The following KALRN variants were observed in gnomAD, a reference collection of about 807,000 sequenced individuals.
KALRN encodes the protein kalirin RhoGEF kinase.
Under a neutral mutation model 353.7 loss-of-function variants are expected in KALRN, and 70 were observed. The ratio of observed to expected loss-of-function variants is 0.20; its 90% CI spans 0.16 to 0.24. The LOEUF (loss-of-function observed/expected upper bound fraction) is 0.24. KALRN is among the 10% of genes least tolerant of loss of function. KALRN has a pLI of 1.00. For missense variants in KALRN, 2,791 were observed against 3,756.7 expected, an observed-to-expected ratio of 0.74 and a Z score of 6.72; for synonymous variants, 1,391 against 1,434.8, an observed-to-expected ratio of 0.97 and a Z score of 0.69.
chr3:124,539,040 T>C (rs2068772072), intron 33 of KALRN, among the ~76,000 whole-genome samples: 1 of 152,116 alleles, frequency 6.6e-6, no homozygotes, highest in African/African-American at 2.4e-5. Flanking sequence ...TGCAGATCAC[T>C]GTGAAAGTGC....
chr3:124,074,834 T>G (rs2060189545), intron 1 of KALRN, among the ~76,000 whole-genome samples: 1 of 152,216 alleles, frequency 6.6e-6, no homozygotes, highest in Non-Finnish European at 1.5e-5. Flanking sequence ...TTTTTTCATT[T>G]TGTTTCTGGC....
intron 42 of KALRN, 131 bp downstream of exon 42, chr3:124,658,648 G>A: frequency 4.2e-6 from 3 of 711,028 alleles, no homozygotes; most frequent in Admixed American, 2.1e-5. Flanking sequence ...TTCATGGCAG[G>A]AATAGCTGCC....
intron 1 of KALRN, among the ~76,000 whole-genome samples, chr3:124,038,485 A>C (rs1306593893): frequency 2.0e-5 from 3 of 152,184 alleles, no homozygotes; most frequent in Non-Finnish European, 4.4e-5. Context: ...GGAAAAATTG[A>C]GGAGGCTAGA....
chr3:124,588,828 G>A (rs1477268114), intron 34 of KALRN, among the ~76,000 whole-genome samples: 1 of 152,136 alleles, frequency 6.6e-6, no homozygotes, highest in Non-Finnish European at 1.5e-5. Flanking sequence ...AGTGTGCATG[G>A]GATTTATTTA....
chr3:124,423,228 T>C (rs115624573), intron 15 of KALRN, among the ~76,000 whole-genome samples: 327 of 152,364 alleles, frequency 2.1e-3, no homozygotes, highest in African/African-American at 7.5e-3. Context: ...GACAATCCAT[T>C]CCAGAGTTGT....
chr3:124,617,689 C>T (rs2078772421), intron 34 of KALRN, among the ~76,000 whole-genome samples: 1 of 152,148 alleles, frequency 6.6e-6, no homozygotes, highest in Non-Finnish European at 1.5e-5. Flanking sequence ...TACTAAGCCA[C>T]CCCAATAGTT....
intron 13 of KALRN, among the ~76,000 whole-genome samples, chr3:124,401,739 G>C (rs2090905155): frequency 1.3e-5 from 2 of 152,096 alleles, no homozygotes; most frequent in Non-Finnish European, 2.9e-5. Context: ...TCTTGTGGGG[G>C]AGGCCCAAAA....
intron 19 of KALRN, 82 bp from the exon 20 acceptor site, chr3:124,446,079 G>A (rs779928190): frequency 8.8e-6 from 7 of 791,524 alleles, no homozygotes; most frequent in African/African-American, 5.1e-5. Flanking sequence ...TGGTCACCTG[G>A]CACCTGGGCC....
Position 124,490,640 on chromosome 3 carries a change from C to T in KALRN, c.4397-54C>T, listed in dbSNP as rs374839039. On this transcript the variant is annotated intron_variant, in intron 29 of 59. Coordinates refer to ENST00000682506, the MANE Select transcript of KALRN (RefSeq NM_001388419.1). ...CTCCAAGAGGGGGGTGGAACATGGCCCCCTGACTGTGGCAGTAGAGAAACT... is the reference window on the plus strand; with the variant it reads ...CTCCAAGAGGGGGGTGGAACATGGCTCCCTGACTGTGGCAGTAGAGAAACT... 4.5e-6 allele frequency: 7 copies of T among 1,542,644 alleles called. No individual in the cohort carries two copies. In the African/African-American group the frequency reaches 8.2e-5, roughly 18 times the overall value.
At chr3:124,333,144 A>T (rs533257130) in intron 8 of KALRN, among the ~76,000 whole-genome samples, 4 of 152,284 alleles carry the variant, frequency 2.6e-5, no homozygotes, top group Admixed American at 2.0e-4. Context: ...TTATTCACTA[A>T]CATGAGAACA....
intron 3 of KALRN, among the ~76,000 whole-genome samples, chr3:124,240,228 G>A (rs912129429): frequency 6.6e-5 from 10 of 152,156 alleles, no homozygotes; most frequent in Non-Finnish European, 1.3e-4. Flanking sequence ...ACCTTCCTTA[G>A]AGTCATATCA....
In KALRN at chr3:124,721,052, T is replaced by C. The variant is rs1212226424; in HGVS notation, c.*1582T>C. On this transcript the variant is annotated 3_prime_UTR_variant, in exon 60 of 60. Transcript: ENST00000682506. ...AGTACAGAAGTGCAAGAAGAGAATT[T>C]ATGAAGGATGAATAGAACTACAAAC... The C allele has an allele frequency of 6.6e-6, 1 of 152,206 alleles. No homozygotes were observed. The highest frequency in any genetic ancestry group is 1.5e-5 in the Non-Finnish European group (1 of 68,026). 9.4% of individuals were successfully genotyped at this position (152,206 alleles called of 1,614,324 possible). A position where few individuals can be genotyped will look rare whatever the true frequency, so the allele number is the denominator to read the frequency against.
chr3:124,151,043 T>A (rs1451334908), intron 1 of KALRN, among the ~76,000 whole-genome samples: 1 of 152,230 alleles, frequency 6.6e-6, no homozygotes, highest in Non-Finnish European at 1.5e-5. Flanking sequence ...TAGCAATTTA[T>A]TTCTATATTG....
intron 1 of KALRN, among the ~76,000 whole-genome samples, chr3:124,155,203 G>A (rs142846441): frequency 0.021 from 3,165 of 152,258 alleles, 177 homozygotes; most frequent in East Asian, 0.17. Context: ...GCATGGGCAA[G>A]GACTTCATGT....
intron 37 of KALRN, among the ~76,000 whole-genome samples, chr3:124,647,165 C>T (rs2082863873): frequency 6.6e-6 from 1 of 152,136 alleles, no homozygotes; most frequent in African/African-American, 2.4e-5. Context: ...CCACAGCCTC[C>T]CAAACTGCTG....
At position 124,722,527 on chromosome 3, in the gene KALRN, C is replaced by T. The variant is rs893272143; in HGVS notation, c.*3057C>T. The T allele has an allele frequency of 3.3e-5, 5 of 152,094 alleles. No individual in the cohort carries two copies. The highest frequency in any genetic ancestry group is 1.2e-4 in the African/African-American group (5 of 41,416). The allele number at this position is 152,094 out of a possible 1,614,324, so 9.4% of individuals were successfully genotyped here. ...CCTGTCTGCAAAGCTCCTGGTCCCT[C>T]CCAACAGAGATAAGAGAGTAGTCTT... is the stretch of plus-strand genomic sequence containing the variant. On this transcript the variant is annotated 3_prime_UTR_variant, in exon 60 of 60. Transcript: ENST00000682506.
chr3:124,501,462 A>G (rs1043026682), intron 33 of KALRN, among the ~76,000 whole-genome samples: 5 of 152,194 alleles, frequency 3.3e-5, no homozygotes, highest in South Asian at 4.1e-4. Context: ...TGTTTTACCA[A>G]TTGGGAAGGA....
At chr3:124,624,966 A>G (rs894741594) in intron 34 of KALRN, among the ~76,000 whole-genome samples, 4 of 152,214 alleles carry the variant, frequency 2.6e-5, no homozygotes, top group Non-Finnish European at 5.9e-5. Flanking sequence ...TTTGACGCTT[A>G]ACATATCGAG....
At chr3:124,328,316 A>G (rs778788912) in intron 7 of KALRN, among the ~76,000 whole-genome samples, 35 of 152,170 alleles carry the variant, frequency 2.3e-4, no homozygotes, top group Non-Finnish European at 3.8e-4. Flanking sequence ...TATCACTTAC[A>G]TACTTTATTC....
Sources: gnomAD v4.1 joint callset for allele counts (sites outside exome capture counted in the v4.1 genomes callset) on GRCh38, gnomAD v4.1.1 for gene constraint, MANE v1.5 for transcripts, NCBI Gene and HGNC (gene_info 2026-07-23, HGNC 2026-07-21) for gene names.